The following MTHFD1 variants were observed in gnomAD, a reference collection of about 807,000 sequenced individuals.
MTHFD1 encodes methylenetetrahydrofolate dehydrogenase, cyclohydrolase and formyltetrahydrofolate synthetase 1, also known as C-1-tetrahydrofolate synthase, cytoplasmic.
Under a neutral mutation model 110.3 loss-of-function variants are expected in MTHFD1, and 44 were observed. The observed-to-expected ratio is 0.40, with a 90% CI of 0.31 to 0.51. The LOEUF is 0.51. Among genes scored for constraint, MTHFD1 ranks in the 20% least tolerant of loss-of-function variants. The probability of loss-of-function intolerance (pLI) is 0.60; values close to 1 mark genes in which losing one functional copy is unlikely to be tolerated. For synonymous variants in MTHFD1, 402 were observed against 428.8 expected (o/e 0.94, Z 0.77); for missense variants, 909 against 1,173.1 (o/e 0.77, Z 3.29).
At chr14:64,453,440 G>A (rs980660239) in intron 24 of MTHFD1, among the ~76,000 whole-genome samples, 9 of 152,026 alleles carry the variant, frequency 5.9e-5, no homozygotes, top group Non-Finnish European at 8.8e-5. Flanking sequence ...GCTTGGTTGC[G>A]CATGCCTATA....
intron 1 of MTHFD1, 96 bp downstream of exon 1, chr14:64,388,564 TGTA>T: frequency 8.8e-7 from 1 of 1,130,082 alleles, no homozygotes; most frequent in Non-Finnish European, 1.3e-6. Flanking sequence ...GAGGGACACT[TGTA>T]GCGGAAGAGT....
At position 64,458,282 on chromosome 14, in the gene MTHFD1, A is replaced by G; in HGVS notation, c.2787A>G (p.Glu929=). Residue 929 remains glutamate (E), a synonymous_variant, in exon 27 of 28, where the codon GAA becomes GAG. Transcript: ENST00000652337. The part of the protein sequence containing the change: ...FYDIDLDPET[E]QVNGLF ...ATATTGATTTGGACCCTGAAACAGA[A>G]CAGGTGAATGGATTATTCTAAACAG... The G allele has an allele frequency of 6.2e-7, 1 of 1,613,470 alleles. No homozygotes were observed. The highest frequency in any genetic ancestry group is 8.5e-7 in the Non-Finnish European group (1 of 1,179,358).
intron 1 of MTHFD1, among the ~76,000 whole-genome samples, chr14:64,389,692 G>T (rs937256296): frequency 6.6e-5 from 10 of 150,704 alleles, no homozygotes; most frequent in African/African-American, 2.4e-4. Flanking sequence ...TGGGCAACAA[G>T]AGCGAAACTC....
chr14:64,454,963 A>AACTCTGCTCACTT, intron 26 of MTHFD1, 88 bp downstream of exon 26: 2 of 1,383,588 alleles, frequency 1.4e-6, no homozygotes, highest in Non-Finnish European at 2.1e-6. Flanking sequence ...ATGCCAAGTG[A>AACTCTGCTCACTT]GCAGAGTTCA....
rs2078106940 is a variant in MTHFD1 at position 64,424,847 on chromosome 14, A to G, written c.771A>G (p.Ala257=). 1 of 1,614,176 alleles carries G rather than the reference A, an allele frequency of 6.2e-7. No homozygotes were observed. ...PNGRKVVGDV[A]YDEAKERASF... is the part of the protein sequence containing the mutation. ...GGAGAAAAGTTGTGGGTGATGTGGC[A>G]TACGACGAGGCCAAAGAGAGGGCGA... The change falls in exon 9 of 28, where the codon GCA becomes GCG. Residue 257 remains alanine, a synonymous_variant. Transcript: ENST00000652337.
At chr14:64,425,659 T>A in intron 9 of MTHFD1, 71 bp from the exon 10 acceptor site, 1 of 1,256,640 alleles carries the variant, frequency 8.0e-7, no homozygotes, top group Non-Finnish European at 1.2e-6. Context: ...TGGAGTGACC[T>A]GGAGCTTGAA....
At chr14:64,458,349 T>A in intron 27 of MTHFD1, 42 bp downstream of exon 27, 1 of 1,242,606 alleles carries the variant, frequency 8.0e-7, no homozygotes, top group Non-Finnish European at 1.2e-6. Context: ...TTTCCTCATG[T>A]AGCTTATTTA....
intron 18 of MTHFD1, chr14:64,441,146 T>A: frequency 2.1e-6 from 1 of 466,324 alleles, no homozygotes; most frequent in East Asian, 4.5e-5. Context: ...GAGCCGAGAT[T>A]GCACCACTGC....
chr14:64,456,132 G>A (rs2078469204), intron 26 of MTHFD1, among the ~76,000 whole-genome samples: 1 of 152,256 alleles, frequency 6.6e-6, no homozygotes, highest in South Asian at 2.1e-4. Context: ...AAGGGTAACA[G>A]TAGAGGTGAA....
chr14:64,392,128 A>C (rs1400809929), intron 1 of MTHFD1, among the ~76,000 whole-genome samples: 2 of 152,178 alleles, frequency 1.3e-5, no homozygotes, highest in Non-Finnish European at 2.9e-5. Context: ...CAATGTTGTG[A>C]GGGAAATAGC....
At chr14:64,423,019 A>G (rs1205331097) in intron 8 of MTHFD1, 1 of 152,170 alleles carries the variant, frequency 6.6e-6, no homozygotes, top group Non-Finnish European at 1.5e-5. Flanking sequence ...ACACGTAGAA[A>G]TAGATGCAGC....
chr14:64,434,810 C>T (rs73263773), intron 15 of MTHFD1, among the ~76,000 whole-genome samples: 9,341 of 149,562 alleles, frequency 0.062, 513 homozygotes, highest in African/African-American at 0.16. Flanking sequence ...CTTCTGGGAG[C>T]GATGAATTCT....
intron 7 of MTHFD1, among the ~76,000 whole-genome samples, chr14:64,418,557 C>A (rs1291405763): frequency 1.3e-5 from 2 of 148,952 alleles, no homozygotes; most frequent in African/African-American, 2.5e-5. Context: ...TTTCTTTTTT[C>A]TTTATTTATT....
chr14:64,449,470 C>A lies in MTHFD1; in HGVS notation c.2305C>A (p.Leu769Ile). Residue 769 changes from leucine to isoleucine, a missense_variant, in exon 24 of 28, where the codon CTC (leucine) becomes ATC (isoleucine). Coordinates refer to ENST00000652337, the MANE Select transcript of MTHFD1 (RefSeq NM_005956.4). ...FKTDTESELD[L>I]ISRLSREHGA... is the part of the protein sequence containing the mutation. The stretch of plus-strand genomic sequence containing the variant: ...GACGGATACAGAGTCTGAGCTGGAC[C>A]TCATCAGCCGCCTTTCCAGAGAACA... 1.2e-6 allele frequency: 2 copies of A among 1,613,774 alleles called. No homozygotes were observed. Among genetic ancestry groups the A allele is most frequent in the Non-Finnish European group, 1.7e-6 (2 of 1,180,032 alleles).
chr14:64,441,408 G>A lies in MTHFD1; in HGVS notation c.1839G>A (p.Val613=). The change falls in exon 19 of 28, where the codon GTG becomes GTA. Residue 613 remains valine, a synonymous_variant. Transcript: ENST00000652337. ...AGGGGGTGAGTGGTGCACTGACAGT[G>A]CTTATGAAGGACGCAATCAAGCCCA... ...EDLGVSGALT[V]LMKDAIKPNL... is the part of the protein sequence containing the mutation. The A allele has an allele frequency of 6.2e-7, 1 of 1,614,098 alleles. No homozygotes were observed. Among genetic ancestry groups the A allele is most frequent in the Non-Finnish European group, 8.5e-7 (1 of 1,179,976 alleles).
chr14:64,439,482 T>C, intron 17 of MTHFD1: 1 of 425,296 alleles, frequency 2.4e-6, no homozygotes, highest in Non-Finnish European at 4.4e-6. Context: ...TATATCTCCT[T>C]GGTTTAAGAG....
At chr14:64,433,569 C>G (rs966854579) in intron 15 of MTHFD1, among the ~76,000 whole-genome samples, 4 of 152,070 alleles carry the variant, frequency 2.6e-5, no homozygotes, top group African/African-American at 9.7e-5. Context: ...AGCCAGGTAC[C>G]ACCATGCCCA....
chr14:64,411,057 A>G (rs748129032), intron 2 of MTHFD1, 33 bp from the exon 3 acceptor site: 1 of 1,482,766 alleles, frequency 6.7e-7, no homozygotes. Flanking sequence ...GCCTTTCCCT[A>G]ATCATCTGAT....
In MTHFD1 at chr14:64,428,645, C is replaced by T. The variant is rs554769981; in HGVS notation, c.1264+1172C>T. The stretch of plus-strand genomic sequence containing the variant: ...CTTGGCTCACTGCAACCTCCGCCTC[C>T]TGGTTTCAAGCAATTCTCCTGCCTC... On this transcript the variant is annotated intron_variant, in intron 12 of 27. Coordinates refer to ENST00000652337, the MANE Select transcript of MTHFD1 (RefSeq NM_005956.4). 4.7e-5 allele frequency among the ~76,000 whole-genome samples: 7 copies of T among 150,240 alleles called. No homozygotes were observed. In the East Asian group the frequency reaches 1.4e-3, roughly 30 times the overall value.
Sources: gnomAD v4.1 joint callset for allele counts (sites outside exome capture counted in the v4.1 genomes callset) on GRCh38, gnomAD v4.1.1 for gene constraint, MANE v1.5 for transcripts, NCBI Gene and HGNC (gene_info 2026-07-23, HGNC 2026-07-21) for gene names.